The following GNL1 variants were observed in gnomAD, a reference collection of about 807,000 sequenced individuals.
The protein encoded by GNL1 is guanine nucleotide-binding protein-like 1.
In GNL1, 21 loss-of-function variants were observed where a neutral mutation model predicts 75.2. The ratio of observed to expected loss-of-function variants is 0.28; its 90% CI spans 0.20 to 0.40. The LOEUF (loss-of-function observed/expected upper bound fraction) is 0.40, where lower values mean the gene tolerates loss of function less well. Ranked by LOEUF, GNL1 falls within the 10% of genes least tolerant of loss-of-function variation. The pLI is 1.00. For synonymous variants in GNL1, 287 were observed against 303.4 expected, an observed-to-expected ratio of 0.95 and a Z score of 0.56; for missense variants, 579 against 775.0, an observed-to-expected ratio of 0.75 and a Z score of 3.00.
At position 30,546,026 on chromosome 6, in the gene GNL1, C is replaced by A; in HGVS notation, c.*46G>T. On this transcript the variant is annotated 3_prime_UTR_variant, in exon 12 of 12. Coordinates refer to ENST00000376621, the MANE Select transcript of GNL1 (RefSeq NM_005275.5). This position sits in a 1 kb window ranked among gnomAD's most constrained non-coding sequence, Gnocchi z 5.1. ...AGAGGGGAGATACCCCCAGGTCAGTCCAAAAGCAAAGATACTGGGAGGGAA... is the reference window on the plus strand; with the variant it reads ...AGAGGGGAGATACCCCCAGGTCAGTACAAAAGCAAAGATACTGGGAGGGAA... 7.0e-7 allele frequency: 1 copy of A among 1,436,504 alleles called. No homozygotes were observed. Among genetic ancestry groups the A allele is most frequent in the East Asian group, 2.4e-5 (1 of 42,510 alleles). The allele number at this position is 1,436,504 out of a possible 1,614,324, so 89.0% of individuals were successfully genotyped here.
chr6:30,547,554 C>T lies in GNL1; in HGVS notation c.1100-24G>A, dbSNP rs567475079. ...ACCTGAGGAAGGCAAGGAAAATTAA[C>T]GTTTAACAGGTTTCTACTCTGTGAT... is the stretch of plus-strand genomic sequence containing the variant. On this transcript the variant is annotated intron_variant, in intron 8 of 11. Coordinates refer to ENST00000376621, the MANE Select transcript of GNL1 (RefSeq NM_005275.5). This position sits in a 1 kb window ranked among gnomAD's most constrained non-coding sequence, Gnocchi z 5.5. The T allele has an allele frequency of 5.6e-6, 9 of 1,605,526 alleles. No individual in the cohort carries two copies. The highest frequency in any genetic ancestry group is 3.4e-5 in the Admixed American group (2 of 59,674).
Position 30,552,779 on chromosome 6 carries a change from C to A in GNL1, c.905-118G>T. ...ACCCTCTGGAGTTGTACAGTGCCAA[C>A]CTAAATAAGAGCAGGTCAGAGAATC... On this transcript the variant is annotated intron_variant, in intron 7 of 11. Coordinates refer to ENST00000376621, the MANE Select transcript of GNL1 (RefSeq NM_005275.5). The surrounding 1 kb of genome is among the most constrained non-coding windows in gnomAD (Gnocchi z 4.5). The A allele has an allele frequency of 1.1e-6, 1 of 878,516 alleles. No individual in the cohort carries two copies. 54.4% of individuals were successfully genotyped at this position (878,516 alleles called of 1,614,324 possible).
At position 30,556,084 on chromosome 6, in the gene GNL1, T is replaced by C. The variant is rs559715683; in HGVS notation, c.73+47A>G. 2 of 1,588,992 alleles carry C rather than the reference T, an allele frequency of 1.3e-6. No homozygotes were observed. Among genetic ancestry groups the C allele is most frequent in the Non-Finnish European group, 8.5e-7 (1 of 1,170,014 alleles). ...CAGCGGGCACACCCCTCCTTCCAGA[T>C]GTGCGGAAGCCCGAGCCCCGCCCCC... On this transcript the variant is annotated intron_variant, in intron 1 of 11. Transcript: ENST00000376621. This position sits in a 1 kb window ranked among gnomAD's most constrained non-coding sequence, Gnocchi z 5.7.
rs764698949 is a variant in GNL1, at chr6:30,553,373, C to T, written c.785G>A (p.Arg262His). The T allele has an allele frequency of 1.2e-5, 20 of 1,611,512 alleles. No homozygotes were observed. Among genetic ancestry groups the T allele is most frequent in the African/African-American group, 2.7e-5 (2 of 74,840 alleles). ...VLFTSFPRDP[R>H]TPQDPSSVLK... is the part of the protein sequence containing the mutation. Reference sequence around the variant, plus strand: ...ACCACTACTAGGGTCCTGTGGGGTGCGGGGGTCCCGAGGAAAAGAGGTGAA... The same window carrying T: ...ACCACTACTAGGGTCCTGTGGGGTGTGGGGGTCCCGAGGAAAAGAGGTGAA... The change falls in exon 6 of 12, where the codon CGC (arginine) becomes CAC (histidine). Residue 262 changes from arginine (R) to histidine (H), a missense_variant. Coordinates refer to ENST00000376621, the MANE Select transcript of GNL1 (RefSeq NM_005275.5).
intron 5 of GNL1, among the ~76,000 whole-genome samples, chr6:30,554,230 G>A (rs535627005): frequency 1.3e-5 from 2 of 152,288 alleles, no homozygotes; most frequent in Non-Finnish European, 2.9e-5. Flanking sequence ...CAGTGCTAGA[G>A]AAATGAGATA....
rs1318455259 is a variant in GNL1, at chr6:30,555,644, G to A, written c.150C>T (p.Thr50=). 2 of 1,613,954 alleles carry A rather than the reference G, an allele frequency of 1.2e-6. No homozygotes were observed. Among genetic ancestry groups the A allele is most frequent in the African/African-American group, 1.3e-5 (1 of 74,942 alleles). The change falls in exon 2 of 12, where the codon ACC becomes ACT. Residue 50 remains threonine, a synonymous_variant. Coordinates refer to ENST00000376621, the MANE Select transcript of GNL1 (RefSeq NM_005275.5). This position sits in a 1 kb window ranked among gnomAD's most constrained non-coding sequence, Gnocchi z 4.3. ...GATGGGTCACAGACTCCCCGTCCGAGGTGTCGGTCTGTTCCTCTCGCCGCT... is the reference window on the plus strand; with the variant it reads ...GATGGGTCACAGACTCCCCGTCCGAAGTGTCGGTCTGTTCCTCTCGCCGCT... ...SRERREEQTD[T]SDGESVTHHI... is the part of the protein sequence containing the mutation.
At position 30,544,831 on chromosome 6, in the gene GNL1, A is replaced by T. The variant is rs1799360384; in HGVS notation, c.*1241T>A. On this transcript the variant is annotated 3_prime_UTR_variant, in exon 12 of 12. Transcript: ENST00000376621. Reference sequence around the variant, plus strand: ...TGAAAGGATCTGCTTTAGAGAAAAAAGGAGTCTGGTACTTCTCACTCCATC... The same window carrying T: ...TGAAAGGATCTGCTTTAGAGAAAAATGGAGTCTGGTACTTCTCACTCCATC... The T allele has an allele frequency of 6.6e-6, 1 of 152,146 alleles. No individual in the cohort carries two copies. Among genetic ancestry groups the T allele is most frequent in the Non-Finnish European group, 1.5e-5 (1 of 68,032 alleles). The allele number at this position is 152,146 out of a possible 1,614,324, so 9.4% of individuals were successfully genotyped here. A position where few individuals can be genotyped will look rare whatever the true frequency, so the allele number is the denominator to read the frequency against.
rs1289253704 is a variant in GNL1 at position 30,547,184 on chromosome 6, G to A, written c.1369C>T (p.Leu457Phe). 2.5e-6 allele frequency: 4 copies of A among 1,613,282 alleles called. No individual in the cohort carries two copies. The highest frequency in any genetic ancestry group is 3.4e-6 in the Non-Finnish European group (4 of 1,179,754). The change falls in exon 10 of 12, where the codon CTC (leucine) becomes TTC (phenylalanine). Residue 457 changes from leucine to phenylalanine, a missense_variant. Coordinates refer to ENST00000376621, the MANE Select transcript of GNL1 (RefSeq NM_005275.5). This position sits in a 1 kb window ranked among gnomAD's most constrained non-coding sequence, Gnocchi z 5.5. ...TCAGCCTCTGGGTGGCGCAGGTGGA[G>A]CAGGGCCTGCACGGGAATTCGGGAG... The part of the protein sequence containing the change: ...LASRIPVQAL[L>F]HLRHPEAEDP...
In GNL1 at chr6:30,547,210, G is replaced by A. The variant is rs1462521589; in HGVS notation, c.1343C>T (p.Ala448Val). Residue 448 changes from alanine to valine, a missense_variant, in exon 10 of 12, where the codon GCC becomes GTC. Coordinates refer to ENST00000376621, the MANE Select transcript of GNL1 (RefSeq NM_005275.5). The surrounding 1 kb of genome is among the most constrained non-coding windows in gnomAD (Gnocchi z 5.5). The part of the protein sequence containing the change: ...QEPYTAVGYL[A>V]SRIPVQALLH... ...CAGGGCCTGCACGGGAATTCGGGAG[G>A]CCAGGTAGCCCACAGCAGTGTAGGG... 6.2e-7 allele frequency: 1 copy of A among 1,613,342 alleles called. No individual in the cohort carries two copies. The highest frequency in any genetic ancestry group is 8.5e-7 in the Non-Finnish European group (1 of 1,179,650).
Position 30,547,691 on chromosome 6 carries a change from C to A in GNL1, c.1100-161G>T. 1 of 621,782 alleles carries A rather than the reference C, an allele frequency of 1.6e-6. No individual in the cohort carries two copies. The allele number at this position is 621,782 out of a possible 1,614,324, so 38.5% of individuals were successfully genotyped here. A position where few individuals can be genotyped will look rare whatever the true frequency, so the allele number is the denominator to read the frequency against. The stretch of plus-strand genomic sequence containing the variant: ...GGGCTGCCAGGGTTAAATCCTGGCC[C>A]TTCCACTTACCAGCTTTGTGATGTC... On this transcript the variant is annotated intron_variant, in intron 8 of 11. Transcript: ENST00000376621. The surrounding 1 kb of genome is among the most constrained non-coding windows in gnomAD (Gnocchi z 5.5).
chr6:30,552,274 T>G lies in GNL1; in HGVS notation c.1099+193A>C. The stretch of plus-strand genomic sequence containing the variant: ...TCAAGACCTCACAGCTGAGAAGAGG[T>G]GGAATTTAACTCAGGCTGTCATGAT... On this transcript the variant is annotated intron_variant, in intron 8 of 11. Transcript: ENST00000376621. This position sits in a 1 kb window ranked among gnomAD's most constrained non-coding sequence, Gnocchi z 4.5. The G allele has an allele frequency of 1.9e-6, 1 of 524,098 alleles. No individual in the cohort carries two copies. The highest frequency in any genetic ancestry group is 3.4e-6 in the Non-Finnish European group (1 of 293,934). 32.5% of individuals were successfully genotyped at this position (524,098 alleles called of 1,614,324 possible).
At chr6:30,550,703 C>A (rs1259732959) in intron 8 of GNL1, among the ~76,000 whole-genome samples, 1 of 152,146 alleles carries the variant, frequency 6.6e-6, no homozygotes, top group Non-Finnish European at 1.5e-5. Context: ...GGAATAAAAT[C>A]CAAAATGGCT....
chr6:30,551,177 G>T (rs377260050), intron 8 of GNL1, among the ~76,000 whole-genome samples: 1 of 152,156 alleles, frequency 6.6e-6, no homozygotes, highest in South Asian at 2.1e-4. Context: ...AAACTCAGGG[G>T]TGCCTGTGCC....
rs1331422464 is a variant in GNL1 at position 30,543,438 on chromosome 6, T to A, written c.*2634A>T. 6.6e-6 allele frequency: 1 copy of A among 152,228 alleles called. No individual in the cohort carries two copies. Among genetic ancestry groups the A allele is most frequent in the African/African-American group, 2.4e-5 (1 of 41,456 alleles). The allele number at this position is 152,228 out of a possible 1,614,324, so 9.4% of individuals were successfully genotyped here. On this transcript the variant is annotated 3_prime_UTR_variant, in exon 12 of 12. Coordinates refer to ENST00000376621, the MANE Select transcript of GNL1 (RefSeq NM_005275.5). ...ATCTCACTTACCACTTGGAAGTGACTGGCAGGTAGTAATTGCTCAACAAAT... is the reference window on the plus strand; with the variant it reads ...ATCTCACTTACCACTTGGAAGTGACAGGCAGGTAGTAATTGCTCAACAAAT...
Position 30,554,828 on chromosome 6 carries a change from T to TTCCCA in GNL1, c.463_464insTGGGA (p.Tyr155LeufsTer33). ...GTAAGCCCCATGAATCTTCCCAAGA[T>TTCCCA]AGTCTTGGAAGCTCCGTTCCTCTTG... On this transcript the variant is annotated frameshift_variant, in exon 4 of 12. Coordinates refer to ENST00000376621, the MANE Select transcript of GNL1 (RefSeq NM_005275.5). LOFTEE classifies it high-confidence loss of function. 1 of 1,611,952 alleles carries TTCCCA rather than the reference T, an allele frequency of 6.2e-7. No homozygotes were observed. The highest frequency in any genetic ancestry group is 2.2e-5 in the East Asian group (1 of 44,876).
At chr6:30,554,957 G>A in intron 3 of GNL1, 42 bp from the exon 4 acceptor site, 2 of 1,611,074 alleles carry the variant, frequency 1.2e-6, no homozygotes, top group Non-Finnish European at 1.7e-6. Context: ...GAAATCTTCA[G>A]GATTCAAGAG....
intron 8 of GNL1, among the ~76,000 whole-genome samples, chr6:30,551,693 C>A (rs1167939792): frequency 6.6e-6 from 1 of 152,180 alleles, no homozygotes; most frequent in African/African-American, 2.4e-5. Context: ...AATCACTGTA[C>A]TACAGACTAA....
In GNL1 at chr6:30,547,072, C is replaced by G; in HGVS notation, c.1441+40G>C. The G allele has an allele frequency of 6.4e-7, 1 of 1,574,776 alleles. No homozygotes were observed. The highest frequency in any genetic ancestry group is 8.7e-7 in the Non-Finnish European group (1 of 1,146,900). ...AGGCGAGGCAGGTAAGGAAGAGCAG[C>G]TGAAACCAGGTGGGGCGAAGCCAGG... On this transcript the variant is annotated intron_variant, in intron 10 of 11. Coordinates refer to ENST00000376621, the MANE Select transcript of GNL1 (RefSeq NM_005275.5). This position sits in a 1 kb window ranked among gnomAD's most constrained non-coding sequence, Gnocchi z 5.5.
At position 30,552,767 on chromosome 6, in the gene GNL1, G is replaced by T; in HGVS notation, c.905-106C>A. The T allele has an allele frequency of 9.9e-7, 1 of 1,005,194 alleles. No homozygotes were observed. Among genetic ancestry groups the T allele is most frequent in the Non-Finnish European group, 1.5e-6 (1 of 684,562 alleles). The allele number at this position is 1,005,194 out of a possible 1,614,324, so 62.3% of individuals were successfully genotyped here. A position where few individuals can be genotyped will look rare whatever the true frequency, so the allele number is the denominator to read the frequency against. On this transcript the variant is annotated intron_variant, in intron 7 of 11. Coordinates refer to ENST00000376621, the MANE Select transcript of GNL1 (RefSeq NM_005275.5). This position sits in a 1 kb window ranked among gnomAD's most constrained non-coding sequence, Gnocchi z 4.5. ...TATGTAACTGGCACCCTCTGGAGTT[G>T]TACAGTGCCAACCTAAATAAGAGCA...
Sources: allele counts gnomAD v4.1 joint callset (sites outside exome capture counted in the v4.1 genomes callset), GRCh38; gene constraint gnomAD v4.1.1; non-coding constraint Gnocchi (gnomAD v3.1); transcripts MANE v1.5; gene names NCBI Gene and HGNC (gene_info 2026-07-23, HGNC 2026-07-21).